Variants in APCDD1 observed in about 807,000 individuals in gnomAD.
APCDD1 encodes protein APCDD1.
A neutral mutation model predicts 38.1 loss-of-function variants in APCDD1; 15 were observed. The observed-to-expected ratio is 0.39, with a 90% confidence interval of 0.26 to 0.61. The LOEUF (loss-of-function observed/expected upper bound fraction) is 0.61. APCDD1 is among the 20% of genes least tolerant of loss of function. The pLI, the probability that APCDD1 is intolerant of heterozygous loss-of-function variation, is 0.49. For missense variants in APCDD1, 647 were observed against 696.2 expected (o/e 0.93, Z 0.79); for synonymous variants, 261 against 279.7 (o/e 0.93, Z 0.67).
At position 10,485,600 on chromosome 18, in the gene APCDD1, G is replaced by A. The variant is rs771909445; in HGVS notation, c.913G>A (p.Glu305Lys). 1.7e-5 allele frequency: 28 copies of A among 1,613,936 alleles called. No homozygotes were observed. In the East Asian group the frequency reaches 2.7e-4, roughly 15 times the overall value. Residue 305 changes from glutamate (E) to lysine (K), a missense_variant, in exon 4 of 5, where the codon GAA (glutamate) becomes AAA (lysine). By Grantham distance (56) the Glu-to-Lys change is moderately conservative. Transcript: ENST00000355285. The surrounding 1 kb of genome is among the most constrained non-coding windows in gnomAD (Gnocchi z 5.8). Reference protein sequence around the residue: ...WVSQRCEVRPEVLFLTRHFIF... With the variant: ...WVSQRCEVRPKVLFLTRHFIF... The stretch of plus-strand genomic sequence containing the variant: ...GAGCCAGCGCTGTGAGGTGCGCCCC[G>A]AAGTCCTCTTCCTCACCCGCCACTT...
At chr18:10,486,410 T>C (rs1261445328) in intron 4 of APCDD1, among the ~76,000 whole-genome samples, 1 of 152,256 alleles carries the variant, frequency 6.6e-6, no homozygotes, top group Non-Finnish European at 1.5e-5. Context: ...TACACAACTC[T>C]GGCAGATTCC....
chr18:10,487,356 A>G lies in APCDD1; in HGVS notation c.1097-234A>G, dbSNP rs580258. ...TTCTACACCAGATGGTCTGTGTTGC[A>G]TGGCCACACCTGCAGCATATCGGTG... On this transcript the variant is annotated intron_variant, in intron 4 of 4. Coordinates refer to ENST00000355285, the MANE Select transcript of APCDD1 (RefSeq NM_153000.5). Among the ~76,000 whole-genome samples, 73,424 of 151,998 alleles carry G rather than the reference A, an allele frequency of 0.48. 18,145 individuals carry two copies. The highest frequency in any genetic ancestry group is 0.65 in the East Asian group (3,381 of 5,174).
In APCDD1 at chr18:10,480,438, G is replaced by T. The variant is rs549923397; in HGVS notation, c.775-5024G>T. The stretch of plus-strand genomic sequence containing the variant: ...GTCTCTAATTTTTATTCAGGCCAAA[G>T]ATTATGAGAATTAGCATAAATGATA... On this transcript the variant is annotated intron_variant, in intron 3 of 4. Coordinates refer to ENST00000355285, the MANE Select transcript of APCDD1 (RefSeq NM_153000.5). Among the ~76,000 whole-genome samples the T allele has an allele frequency of 9.1e-4, 138 of 152,184 alleles. 1 individual carries two copies. Among genetic ancestry groups the T allele is most frequent in the Non-Finnish European group, 1.1e-3 (73 of 68,036 alleles).
At chr18:10,484,815 CATCT>C (rs35763689) in intron 3 of APCDD1, among the ~76,000 whole-genome samples, 6,692 of 152,190 alleles carry the variant, frequency 0.044, 431 homozygotes, top group African/African-American at 0.14. Context: ...TTGATCCATC[CATCT>C]GTCAGTGGAC....
intron 3 of APCDD1, among the ~76,000 whole-genome samples, chr18:10,474,910 C>A (rs1462921735): frequency 6.6e-6 from 1 of 152,174 alleles, no homozygotes; most frequent in Non-Finnish European, 1.5e-5. Flanking sequence ...GAATTTAACA[C>A]CTTTTGGACA....
Position 10,471,763 on chromosome 18 carries a change from T to A in APCDD1, c.476T>A (p.Val159Glu). The change falls in exon 3 of 5, where the codon GTG (valine) becomes GAG (glutamate). Residue 159 changes from valine (V) to glutamate (E), a missense_variant. Coordinates refer to ENST00000355285, the MANE Select transcript of APCDD1 (RefSeq NM_153000.5). The surrounding 1 kb of genome is among the most constrained non-coding windows in gnomAD (Gnocchi z 5.5). ...NVQVICHTEA[V>E]AEKLGQQVNR... ...CAGGTGATCTGCCACACAGAGGCGG[T>A]GGCCGAGAAGCTCGGCCAGCAGGTG... is the stretch of plus-strand genomic sequence containing the variant. The A allele has an allele frequency of 6.2e-7, 1 of 1,613,090 alleles. No homozygotes were observed. Among genetic ancestry groups the A allele is most frequent in the Non-Finnish European group, 8.5e-7 (1 of 1,179,524 alleles).
At chr18:10,480,248 C>A (rs1339870542) in intron 3 of APCDD1, among the ~76,000 whole-genome samples, 1 of 152,184 alleles carries the variant, frequency 6.6e-6, no homozygotes, top group Non-Finnish European at 1.5e-5. Flanking sequence ...TGATACTCCA[C>A]AGTACCAATC....
rs191738717 is a variant in APCDD1 at position 10,478,318 on chromosome 18, G to A, written c.774+6257G>A. On this transcript the variant is annotated intron_variant, in intron 3 of 4. Coordinates refer to ENST00000355285, the MANE Select transcript of APCDD1 (RefSeq NM_153000.5). ...GTGCCTGCATCCTGGCAGGGATGACGCAGCTGCACGGGGTCTGTACACTGA... is the reference window on the plus strand; with the variant it reads ...GTGCCTGCATCCTGGCAGGGATGACACAGCTGCACGGGGTCTGTACACTGA... 2.4e-3 allele frequency among the ~76,000 whole-genome samples: 365 copies of A among 152,342 alleles called. 4 individuals are homozygous for A. Among genetic ancestry groups the A allele is most frequent in the African/African-American group, 8.2e-3 (342 of 41,568 alleles).
At position 10,487,824 on chromosome 18, in the gene APCDD1, G is replaced by T. The variant is rs1464971350; in HGVS notation, c.1331G>T (p.Ser444Ile). 2 of 1,613,950 alleles carry T rather than the reference G, an allele frequency of 1.2e-6. No homozygotes were observed. Among genetic ancestry groups the T allele is most frequent in the African/African-American group, 2.7e-5 (2 of 74,946 alleles). ...RYLLFNGQRP[S>I]DGSSPDRPEK... ...CTGCTGTTCAACGGTCAGAGGCCCA[G>T]CGACGGGTCCAGCCCAGACAGGCCA... The change falls in exon 5 of 5, where the codon AGC becomes ATC. Residue 444 changes from serine (S) to isoleucine (I), a missense_variant. By Grantham distance (142) the Ser-to-Ile change is moderately radical. Coordinates refer to ENST00000355285, the MANE Select transcript of APCDD1 (RefSeq NM_153000.5).
rs1182637877 is a variant in APCDD1 at position 10,471,601 on chromosome 18, C to G, written c.314C>G (p.Ala105Gly). Residue 105 changes from alanine (A) to glycine (G), a missense_variant, in exon 3 of 5, where the codon GCC (alanine) becomes GGC (glycine). Transcript: ENST00000355285. This position sits in a 1 kb window ranked among gnomAD's most constrained non-coding sequence, Gnocchi z 5.5. ...TTCTACCACAATAACACCTTCAAGG[C>G]CTACCAATTTTATTATGGCAGCAAC... ...YRFYHNNTFK[A>G]YQFYYGSNRC... The G allele has an allele frequency of 6.2e-7, 1 of 1,614,176 alleles. No homozygotes were observed. The highest frequency in any genetic ancestry group is 8.5e-7 in the Non-Finnish European group (1 of 1,180,030).
At position 10,485,990 on chromosome 18, in the gene APCDD1, G is replaced by A. The variant is rs1057190626; in HGVS notation, c.1096+207G>A. ...TCAGGTGGACAGCCTCCACTTGCAG[G>A]CCTGAATGCGAGAGGAGTCCACGCC... On this transcript the variant is annotated intron_variant, in intron 4 of 4. Coordinates refer to ENST00000355285, the MANE Select transcript of APCDD1 (RefSeq NM_153000.5). The surrounding 1 kb of genome is among the most constrained non-coding windows in gnomAD (Gnocchi z 5.8). 6.6e-6 allele frequency among the ~76,000 whole-genome samples: 1 copy of A among 152,220 alleles called. No individual in the cohort carries two copies. Among genetic ancestry groups the A allele is most frequent in the African/African-American group, 2.4e-5 (1 of 41,460 alleles).
chr18:10,458,842 C>T (rs2030451568), intron 1 of APCDD1, among the ~76,000 whole-genome samples: 1 of 152,176 alleles, frequency 6.6e-6, no homozygotes, highest in Non-Finnish European at 1.5e-5. Flanking sequence ...GACTCTTCCC[C>T]TGGAGTTGAA....
At position 10,485,821 on chromosome 18, in the gene APCDD1, T is replaced by A. The variant is rs1273734022; in HGVS notation, c.1096+38T>A. On this transcript the variant is annotated intron_variant, in intron 4 of 4. Coordinates refer to ENST00000355285, the MANE Select transcript of APCDD1 (RefSeq NM_153000.5). The surrounding 1 kb of genome is among the most constrained non-coding windows in gnomAD (Gnocchi z 5.8). Reference sequence around the variant, plus strand: ...TCTCAAGTCCCAGTATCACAGCCAATAAACAGCCCTGTGACATTTTTGTGG... The same window carrying A: ...TCTCAAGTCCCAGTATCACAGCCAAAAAACAGCCCTGTGACATTTTTGTGG... 6.3e-7 allele frequency: 1 copy of A among 1,599,448 alleles called. No homozygotes were observed. Among genetic ancestry groups the A allele is most frequent in the Admixed American group, 1.7e-5 (1 of 59,492 alleles).
rs948231698 is a variant in APCDD1 at position 10,471,851 on chromosome 18, C to T, written c.564C>T (p.Asp188=). Residue 188 remains aspartate (D), a synonymous_variant, in exon 3 of 5, where the codon GAC becomes GAT. Coordinates refer to ENST00000355285, the MANE Select transcript of APCDD1 (RefSeq NM_153000.5). The surrounding 1 kb of genome is among the most constrained non-coding windows in gnomAD (Gnocchi z 5.5). ...GGPWVQDVAY[D]LWREENGCEC... ...CCTGGGTGCAGGACGTGGCCTATGA[C>T]CTCTGGCGAGAGGAGAACGGCTGTG... 2.5e-6 allele frequency: 4 copies of T among 1,614,084 alleles called. No homozygotes were observed. The highest frequency in any genetic ancestry group is 3.4e-6 in the Non-Finnish European group (4 of 1,180,056).
chr18:10,487,863 C>G lies in APCDD1; in HGVS notation c.1370C>G (p.Thr457Arg). ...CCAGACAGGCCAGAGAAGAGAGCCA[C>G]GTCCTACCAGATGCCCTTGGTCCAG... ...SSPDRPEKRA[T>R]SYQMPLVQCA... Residue 457 changes from threonine to arginine, a missense_variant, in exon 5 of 5, where the codon ACG becomes AGG. By Grantham distance (71) the Thr-to-Arg change is moderately conservative (BLOSUM62 -1). Coordinates refer to ENST00000355285, the MANE Select transcript of APCDD1 (RefSeq NM_153000.5). The G allele has an allele frequency of 6.2e-7, 1 of 1,613,834 alleles. No individual in the cohort carries two copies. The highest frequency in any genetic ancestry group is 1.3e-5 in the African/African-American group (1 of 75,056).
chr18:10,486,971 C>T (rs937214110), intron 4 of APCDD1, among the ~76,000 whole-genome samples: 82 of 152,332 alleles, frequency 5.4e-4, no homozygotes, highest in African/African-American at 1.9e-3. Context: ...TGAAGCTCAT[C>T]GTGTTATACA....
At chr18:10,479,331 A>G (rs1466795435) in intron 3 of APCDD1, among the ~76,000 whole-genome samples, 4 of 152,166 alleles carry the variant, frequency 2.6e-5, no homozygotes, top group African/African-American at 7.2e-5. Flanking sequence ...CTCAAGGAAC[A>G]CTGCTTTTGA....
intron 3 of APCDD1, among the ~76,000 whole-genome samples, chr18:10,474,509 G>A (rs1280227576): frequency 1.3e-5 from 2 of 152,198 alleles, no homozygotes; most frequent in Admixed American, 6.5e-5. Context: ...GCGTGGGCCG[G>A]GCTGTGGGCT....
Position 10,454,919 on chromosome 18 carries a change from G to C in APCDD1, c.-63G>C. 1 of 1,457,654 alleles carries C rather than the reference G, an allele frequency of 6.9e-7. No individual in the cohort carries two copies. Among genetic ancestry groups the C allele is most frequent in the Admixed American group, 2.4e-5 (1 of 41,582 alleles). The allele number at this position is 1,457,654 out of a possible 1,614,324, so 90.3% of individuals were successfully genotyped here. A position where few individuals can be genotyped will look rare whatever the true frequency, so the allele number is the denominator to read the frequency against. On this transcript the variant is annotated 5_prime_UTR_variant, in exon 1 of 5. Coordinates refer to ENST00000355285, the MANE Select transcript of APCDD1 (RefSeq NM_153000.5). ...GCCGGAGGCGGAGGGCAGAGCGCGC[G>C]CCCAGTTGCCCGGGCACCAAATCGG...
Sources: gnomAD v4.1 joint callset for allele counts (sites outside exome capture counted in the v4.1 genomes callset) on GRCh38, gnomAD v4.1.1 for gene constraint, Gnocchi (gnomAD v3.1) non-coding constraint, MANE v1.5 for transcripts, NCBI Gene and HGNC (gene_info 2026-07-23, HGNC 2026-07-21) for gene names.